The following C3orf49 variants were observed in gnomAD, a reference collection of about 807,000 sequenced individuals.
C3orf49 encodes the protein chromosome 3 open reading frame 49, also known as putative uncharacterized protein C3orf49.
A neutral mutation model predicts 13.3 loss-of-function variants in C3orf49; 27 were observed. The observed-to-expected ratio is 2.02, with a 90% CI of 1.49 to 2.79. C3orf49 has a LOEUF of 2.79. Among genes scored for constraint, C3orf49 ranks in the 30% most tolerant of loss-of-function variants. The probability of loss-of-function intolerance (pLI) is 0.00; values close to 1 mark genes in which losing one functional copy is unlikely to be tolerated. For missense variants in C3orf49, 242 were observed against 134.2 expected (o/e 1.80, Z -3.97); for synonymous variants, 87 against 47.6 (o/e 1.83, Z -3.40).
chr3:63,783,861 G>T, the C3orf49 span, among the ~76,000 whole-genome samples: 1 of 151,962 alleles, frequency 6.6e-6, no homozygotes, highest in African/African-American at 2.4e-5. Context: ...AATGCTGGAG[G>T]GTTGATGACA....
At chr3:63,847,475 C>T (rs1483978702) in intron 6 of C3orf49, among the ~76,000 whole-genome samples, 3 of 152,312 alleles carry the variant, frequency 2.0e-5, no homozygotes, top group African/African-American at 2.4e-5. Flanking sequence ...CAGTGGCTCA[C>T]GCCTGTAATC....
At chr3:63,780,620 T>C in the C3orf49 span, among the ~76,000 whole-genome samples, 4 of 152,174 alleles carry the variant, frequency 2.6e-5, no homozygotes, top group Non-Finnish European at 5.9e-5. Context: ...AGTGTAAAAG[T>C]GTTCCTGTTT....
chr3:63,780,967 T>C, the C3orf49 span, among the ~76,000 whole-genome samples: 2 of 151,924 alleles, frequency 1.3e-5, no homozygotes, highest in African/African-American at 4.8e-5. Context: ...GTAGTTTCTT[T>C]TGCTGTGCAG....
chr3:63,791,777 T>A, the C3orf49 span, among the ~76,000 whole-genome samples: 1 of 152,188 alleles, frequency 6.6e-6, no homozygotes, highest in East Asian at 1.9e-4. Flanking sequence ...ATGAAATAAA[T>A]CCTCCTAAAA....
chr3:63,799,347 T>C, the C3orf49 span, among the ~76,000 whole-genome samples: 87 of 152,226 alleles, frequency 5.7e-4, no homozygotes, highest in South Asian at 1.5e-3. Context: ...CAAATATTAG[T>C]GGACATCTAC....
the C3orf49 span, among the ~76,000 whole-genome samples, chr3:63,803,082 A>C: frequency 6.6e-6 from 1 of 152,220 alleles, no homozygotes; most frequent in South Asian, 2.1e-4. Context: ...AGGATATTCA[A>C]AAGCCTCATA....
chr3:63,845,637 G>A (rs1224342566), intron 6 of C3orf49, among the ~76,000 whole-genome samples: 1 of 152,112 alleles, frequency 6.6e-6, no homozygotes, highest in Non-Finnish European at 1.5e-5. Context: ...TTTAGATGAG[G>A]GAGGCCTCAG....
At chr3:63,812,425 G>A in the C3orf49 span, among the ~76,000 whole-genome samples, 2 of 152,186 alleles carry the variant, frequency 1.3e-5, no homozygotes, top group African/African-American at 4.8e-5. Context: ...GGCCAAACAT[G>A]TCTGAGCATC....
At chr3:63,835,275 TAGAC>T (rs1559601633) in intron 5 of C3orf49, 4 of 1,612,352 alleles carry the variant, frequency 2.5e-6, no homozygotes, top group East Asian at 2.2e-5. Context: ...TATAGATATA[TAGAC>T]AGACAGATAG....
the C3orf49 span, chr3:63,779,823 C>T: frequency 1.3e-5 from 2 of 152,216 alleles, no homozygotes; most frequent in Non-Finnish European, 2.9e-5. Flanking sequence ...TTTTCTCAAC[C>T]TACCTTTGTC....
intron 5 of C3orf49, among the ~76,000 whole-genome samples, chr3:63,833,114 T>TC (rs1271252163): frequency 6.6e-6 from 1 of 151,610 alleles, no homozygotes; most frequent in East Asian, 1.9e-4. Flanking sequence ...TTTTTTTTTT[T>TC]AGACAGAGTT....
At chr3:63,793,073 T>C in the C3orf49 span, among the ~76,000 whole-genome samples, 2 of 152,172 alleles carry the variant, frequency 1.3e-5, no homozygotes, top group South Asian at 2.1e-4. Context: ...ACGCTCTCCT[T>C]CTTGACACTG....
At chr3:63,830,286 T>C (rs997227417) in intron 3 of C3orf49, among the ~76,000 whole-genome samples, 1 of 152,172 alleles carries the variant, frequency 6.6e-6, no homozygotes, top group Non-Finnish European at 1.5e-5. Context: ...GAAAAAGTAC[T>C]GGGTTTTATG....
chr3:63,786,552 C>A, the C3orf49 span, among the ~76,000 whole-genome samples: 3 of 151,992 alleles, frequency 2.0e-5, no homozygotes, highest in African/African-American at 7.2e-5. Context: ...GGTCGTGGAG[C>A]TAAAGAAGGA....
the C3orf49 span, among the ~76,000 whole-genome samples, chr3:63,793,176 A>G: frequency 3.9e-5 from 6 of 152,260 alleles, no homozygotes; most frequent in South Asian, 2.1e-4. Flanking sequence ...TGACTATATC[A>G]ACTGTTTAAA....
chr3:63,835,265 T>C, intron 5 of C3orf49: 2 of 1,612,146 alleles, frequency 1.2e-6, no homozygotes, highest in Non-Finnish European at 1.7e-6. Context: ...GACCTGTATA[T>C]ATAGATATAT....
chr3:63,796,369 C>T, the C3orf49 span, among the ~76,000 whole-genome samples: 2 of 152,178 alleles, frequency 1.3e-5, no homozygotes, highest in South Asian at 2.1e-4. Context: ...GGGGATTAAT[C>T]CCACATTAGC....
chr3:63,810,939 A>G, the C3orf49 span, among the ~76,000 whole-genome samples: 1 of 152,154 alleles, frequency 6.6e-6, no homozygotes, highest in Non-Finnish European at 1.5e-5. Context: ...CTCCACCTAC[A>G]GGGTTCAAGA....
At chr3:63,786,054 C>T in the C3orf49 span, 1 of 152,064 alleles carries the variant, frequency 6.6e-6, no homozygotes, top group African/African-American at 2.4e-5. Context: ...AGCCAGAGCC[C>T]TCCGGGGAAA....
Sources: allele counts gnomAD v4.1 joint callset (sites outside exome capture counted in the v4.1 genomes callset), GRCh38; gene constraint gnomAD v4.1.1; transcripts MANE v1.5; gene names NCBI Gene and HGNC (gene_info 2026-07-23, HGNC 2026-07-21).